The following HGSNAT variants were observed in gnomAD, a reference collection of about 807,000 sequenced individuals.
HGSNAT encodes the protein heparan-alpha-glucosaminide N-acetyltransferase, also known as transmembrane protein 76.
Under a neutral mutation model 85.2 loss-of-function variants are expected in HGSNAT, and 59 were observed. That is an observed-to-expected ratio of 0.69 (90% CI 0.56 to 0.86). The LOEUF is 0.86. Among genes scored for constraint, HGSNAT ranks in the 40% least tolerant of loss-of-function variants. The probability of loss-of-function intolerance (pLI) is 0.00; values close to 1 mark genes in which losing one functional copy is unlikely to be tolerated. For synonymous variants in HGSNAT, 321 were observed against 304.5 expected, an observed-to-expected ratio of 1.05 and a Z score of -0.56; for missense variants, 756 against 777.1, an observed-to-expected ratio of 0.97 and a Z score of 0.32.
chr8:43,194,092 G>T, intron 14 of HGSNAT: 1 of 1,250,828 alleles, frequency 8.0e-7, no homozygotes. Flanking sequence ...TAGCACGGCA[G>T]TTTCTAGATA....
In HGSNAT at chr8:43,199,522, C is replaced by T; in HGVS notation, c.1861C>T (p.Leu621Phe). Residue 621 changes from leucine to phenylalanine, a missense_variant, in exon 18 of 18, where the codon CTC (leucine) becomes TTC (phenylalanine). Transcript: ENST00000379644. ...QNIVATALWV[L>F]IAYILYRKKI... ...CATCGTCGCCACTGCCCTCTGGGTG[C>T]TCATTGCCTACATCCTCTATAGAAA... 6.2e-7 allele frequency: 1 copy of T among 1,605,260 alleles called. No homozygotes were observed. Among genetic ancestry groups the T allele is most frequent in the Non-Finnish European group, 8.5e-7 (1 of 1,175,472 alleles).
intron 5 of HGSNAT, chr8:43,168,131 G>A (rs1396857970): frequency 6.1e-6 from 1 of 163,850 alleles, no homozygotes; most frequent in African/African-American, 2.4e-5. Context: ...GTCTTAGCCA[G>A]GATGGTCTTG....
intron 2 of HGSNAT, among the ~76,000 whole-genome samples, chr8:43,155,220 C>T (rs982627100): frequency 1.3e-5 from 2 of 152,168 alleles, no homozygotes; most frequent in Admixed American, 1.3e-4. Flanking sequence ...GCCCCTTTCT[C>T]CACATCCTTG....
chr8:43,194,178 G>T, intron 14 of HGSNAT: 1 of 880,856 alleles, frequency 1.1e-6, no homozygotes, highest in Non-Finnish European at 1.4e-6. Context: ...CAGGAGGATT[G>T]CTTGAGTCCG....
rs201735532 is a variant in HGSNAT at position 43,191,490 on chromosome 8, C to G, written c.1145C>G (p.Ser382Cys). 270 of 1,613,712 alleles carry G rather than the reference C, an allele frequency of 1.7e-4. No homozygotes were observed. The highest frequency in any genetic ancestry group is 2.2e-4 in the Non-Finnish European group (259 of 1,179,750). ...CCCACTCAGGAGAGGAGCTGCCTTT[C>G]TCTTCGAGACATCACGTCCAGCTGG... ...EHCASERSCLSLRDITSSWPQ... is the reference protein window; with the variant it reads ...EHCASERSCLCLRDITSSWPQ... Residue 382 changes from serine (S) to cysteine (C), a missense_variant, in exon 12 of 18, where the codon TCT becomes TGT. Transcript: ENST00000379644.
intron 2 of HGSNAT, among the ~76,000 whole-genome samples, chr8:43,156,429 C>T (rs1053969198): frequency 2.0e-5 from 3 of 152,112 alleles, no homozygotes; most frequent in East Asian, 3.9e-4. Flanking sequence ...CCTCAGCCTC[C>T]CACGTAACTG....
At chr8:43,189,963 C>T (rs1367893737) in intron 11 of HGSNAT, among the ~76,000 whole-genome samples, 2 of 152,154 alleles carry the variant, frequency 1.3e-5, no homozygotes, top group Non-Finnish European at 2.9e-5. Context: ...TCTCTTGGGG[C>T]ATTATTGCGA....
chr8:43,174,178 C>T, intron 9 of HGSNAT: 7 of 151,688 alleles, frequency 4.6e-5, no homozygotes, highest in Non-Finnish European at 1.0e-4. Context: ...GATCACGCCA[C>T]TGCACTCCAG....
Position 43,197,903 on chromosome 8 carries a change from A to G in HGSNAT, c.1677A>G (p.Pro559=), listed in dbSNP as rs2130821776. The change falls in exon 17 of 18, where the codon CCA becomes CCG. Residue 559 remains proline (P), a synonymous_variant. Transcript: ENST00000379644. The stretch of plus-strand genomic sequence containing the variant: ...TCTTCATCCTGCTGGTCCTGTACCC[A>G]GTTGTGGATGTGAAGGGGCTGTGGA... ...FAFFILLVLY[P]VVDVKGLWTG... The G allele has an allele frequency of 6.2e-7, 1 of 1,613,914 alleles. No homozygotes were observed. The highest frequency in any genetic ancestry group is 8.5e-7 in the Non-Finnish European group (1 of 1,179,866).
Position 43,158,597 on chromosome 8 carries a change from A to G in HGSNAT, c.257A>G (p.Asn86Ser). 6.2e-7 allele frequency: 1 copy of G among 1,613,898 alleles called. No individual in the cohort carries two copies. The highest frequency in any genetic ancestry group is 8.5e-7 in the Non-Finnish European group (1 of 1,179,852). The change falls in exon 3 of 18, where the codon AAC becomes AGC. Residue 86 changes from asparagine (N) to serine (S), a missense_variant. By Grantham distance (46) the Asn-to-Ser change is conservative. Transcript: ENST00000379644. Reference protein sequence around the residue: ...CYHCLFQVLVNVPQSPKAGKP... With the variant: ...CYHCLFQVLVSVPQSPKAGKP... ...CAGTGCTTGTTTCAGGTTCTGGTAA[A>G]CGTTCCTCAGAGTCCAAAAGCAGGG...
chr8:43,173,663 G>T (rs553133477), intron 8 of HGSNAT, 50 bp from the exon 9 acceptor site: 2 of 1,590,390 alleles, frequency 1.3e-6, no homozygotes, highest in African/African-American at 2.7e-5. Flanking sequence ...GATTTAGGAG[G>T]TATTTGTATT....
chr8:43,148,360 C>CAT (rs1802780980), intron 2 of HGSNAT, among the ~76,000 whole-genome samples: 1 of 150,118 alleles, frequency 6.7e-6, no homozygotes, highest in African/African-American at 2.5e-5. Context: ...ATATTAAATT[C>CAT]ATATATATAG....
intron 4 of HGSNAT, among the ~76,000 whole-genome samples, chr8:43,159,432 A>T (rs1404106544): frequency 1.3e-5 from 2 of 152,078 alleles, no homozygotes; most frequent in African/African-American, 2.4e-5. Context: ...TACAAAAAAT[A>T]CAAAAATTAG....
chr8:43,184,960 T>G (rs574846296), intron 11 of HGSNAT, among the ~76,000 whole-genome samples: 1 of 152,314 alleles, frequency 6.6e-6, no homozygotes, highest in East Asian at 1.9e-4. Flanking sequence ...TGTGTGGTAT[T>G]ATTTCTGAGG....
At chr8:43,172,215 T>C in intron 7 of HGSNAT, 95 bp from the exon 8 acceptor site, 1 of 859,650 alleles carries the variant, frequency 1.2e-6, no homozygotes, top group Non-Finnish European at 2.0e-6. Flanking sequence ...CATTGTTGCA[T>C]GATTGCACCT....
Position 43,161,051 on chromosome 8 carries a change from G to C in HGSNAT, c.494-387G>C, listed in dbSNP as rs550780103. On this transcript the variant is annotated intron_variant, in intron 4 of 17. Coordinates refer to ENST00000379644, the MANE Select transcript of HGSNAT (RefSeq NM_152419.3). ...CACAGTGTCAGGCTGTCTTTACAAGGGCTTTAGAGACACATCCTGAAGTAT... is the reference window on the plus strand; with the variant it reads ...CACAGTGTCAGGCTGTCTTTACAAGCGCTTTAGAGACACATCCTGAAGTAT... Among the ~76,000 whole-genome samples, 8 of 152,298 alleles carry C rather than the reference G, an allele frequency of 5.3e-5. No individual in the cohort carries two copies. In the South Asian group the frequency reaches 8.3e-4, roughly 16 times the overall value.
intron 13 of HGSNAT, among the ~76,000 whole-genome samples, chr8:43,192,680 C>T (rs374346544): frequency 3.3e-5 from 5 of 151,136 alleles, no homozygotes; most frequent in Non-Finnish European, 7.4e-5. Flanking sequence ...CCCAGCTACT[C>T]GGGAGGCCAA....
chr8:43,168,769 A>G (rs889961598), intron 5 of HGSNAT, among the ~76,000 whole-genome samples: 2 of 152,158 alleles, frequency 1.3e-5, no homozygotes, highest in African/African-American at 4.8e-5. Context: ...TCATGACTGT[A>G]TCACATCCTA....
At chr8:43,187,258 TA>T (rs1804349392) in intron 11 of HGSNAT, among the ~76,000 whole-genome samples, 1 of 152,228 alleles carries the variant, frequency 6.6e-6, no homozygotes, top group Non-Finnish European at 1.5e-5. Flanking sequence ...AGTCTCCCAT[TA>T]TTATCATGTG....
Sources: allele counts gnomAD v4.1 joint callset (sites outside exome capture counted in the v4.1 genomes callset), GRCh38; gene constraint gnomAD v4.1.1; transcripts MANE v1.5; gene names NCBI Gene and HGNC (gene_info 2026-07-23, HGNC 2026-07-21).